Variants in CNTNAP2 observed in about 807,000 individuals in gnomAD.
The protein encoded by CNTNAP2 is contactin-associated protein-like 2.
In CNTNAP2, 98 loss-of-function variants were observed where a neutral mutation model predicts 155.2. The ratio of observed to expected loss-of-function variants is 0.63; its 90% CI spans 0.54 to 0.75. The LOEUF is 0.75. Among genes scored for constraint, CNTNAP2 ranks in the 30% least tolerant of loss-of-function variants. The pLI, the probability that CNTNAP2 is intolerant of heterozygous loss-of-function variation, is 0.00. For missense variants in CNTNAP2, 1,727 were observed against 1,688.1 expected (o/e 1.02, Z -0.40); for synonymous variants, 651 against 631.2 (o/e 1.03, Z -0.47).
chr7:147,726,111 G>A (rs982702411), intron 13 of CNTNAP2, among the ~76,000 whole-genome samples: 11 of 151,894 alleles, frequency 7.2e-5, no homozygotes, highest in African/African-American at 2.7e-4. Context: ...GGAATCAGGG[G>A]GATAACGAGA....
intron 12 of CNTNAP2, chr7:147,638,669 C>T: frequency 2.8e-6 from 1 of 360,218 alleles, no homozygotes; most frequent in Non-Finnish European, 5.6e-6. Flanking sequence ...CTGATGAGAG[C>T]AAACACCATG....
chr7:147,852,444 A>G (rs748485972), intron 13 of CNTNAP2, among the ~76,000 whole-genome samples: 3 of 152,188 alleles, frequency 2.0e-5, no homozygotes, highest in Non-Finnish European at 4.4e-5. Context: ...ACCCATAGCT[A>G]CACATCTTTC....
intron 1 of CNTNAP2, among the ~76,000 whole-genome samples, chr7:146,508,926 A>G (rs1477570690): frequency 6.6e-6 from 1 of 152,154 alleles, no homozygotes; most frequent in Admixed American, 6.6e-5. Context: ...GGCCCCCTGC[A>G]GAAGGAGTAC....
chr7:146,987,438 T>A (rs763448012), intron 3 of CNTNAP2, among the ~76,000 whole-genome samples: 2 of 152,122 alleles, frequency 1.3e-5, no homozygotes, highest in Non-Finnish European at 2.9e-5. Flanking sequence ...AATATTGAAC[T>A]CTAAGTATGT....
intron 1 of CNTNAP2, among the ~76,000 whole-genome samples, chr7:146,227,271 C>T (rs1309994755): frequency 6.6e-6 from 1 of 151,514 alleles, no homozygotes; most frequent in Non-Finnish European, 1.5e-5. Flanking sequence ...ACTAAAAATA[C>T]AAAATTATCT....
intron 1 of CNTNAP2, among the ~76,000 whole-genome samples, chr7:146,498,965 A>G (rs1797259836): frequency 6.6e-6 from 1 of 152,210 alleles, no homozygotes; most frequent in South Asian, 2.1e-4. Context: ...TTAAAAGTAC[A>G]CATAGCATTG....
At chr7:146,754,877 T>A (rs1801967831) in intron 1 of CNTNAP2, among the ~76,000 whole-genome samples, 1 of 151,968 alleles carries the variant, frequency 6.6e-6, no homozygotes, top group South Asian at 2.1e-4. Flanking sequence ...TAGCATTTAG[T>A]CTAATCATCT....
chr7:146,596,639 G>T (rs1419081007), intron 1 of CNTNAP2, among the ~76,000 whole-genome samples: 2 of 135,458 alleles, frequency 1.5e-5, no homozygotes, highest in Non-Finnish European at 3.2e-5. Context: ...GAGAGAGAGA[G>T]AAATTGTTGA....
intron 15 of CNTNAP2, among the ~76,000 whole-genome samples, chr7:148,081,308 T>A (rs1481121590): frequency 1.3e-5 from 2 of 152,122 alleles, no homozygotes; most frequent in Non-Finnish European, 2.9e-5. Flanking sequence ...GATTGAAGGA[T>A]GCAAAGTATT....
chr7:146,551,761 G>T (rs559516528), intron 1 of CNTNAP2, among the ~76,000 whole-genome samples: 37 of 152,188 alleles, frequency 2.4e-4, no homozygotes, highest in Middle Eastern at 3.4e-3. Flanking sequence ...TCCTGAGCAA[G>T]CTTTTGTGGT....
intron 13 of CNTNAP2, among the ~76,000 whole-genome samples, chr7:147,771,752 T>C (rs1224860657): frequency 6.6e-6 from 1 of 151,190 alleles, no homozygotes; most frequent in Non-Finnish European, 1.5e-5. Context: ...GTCTTAACCC[T>C]TTTTTTTTCT....
chr7:146,967,363 G>A (rs950668319), intron 3 of CNTNAP2, among the ~76,000 whole-genome samples: 4 of 152,146 alleles, frequency 2.6e-5, no homozygotes, highest in Non-Finnish European at 4.4e-5. Flanking sequence ...TTGGTAGCTT[G>A]ATGGGGATGG....
chr7:148,073,316 A>G (rs1803416962), intron 15 of CNTNAP2, among the ~76,000 whole-genome samples: 1 of 152,144 alleles, frequency 6.6e-6, no homozygotes, highest in African/African-American at 2.4e-5. Context: ...CCCCTTACCT[A>G]CAGTTTCATT....
chr7:147,995,440 T>A (rs1801785895), intron 15 of CNTNAP2, among the ~76,000 whole-genome samples: 1 of 151,904 alleles, frequency 6.6e-6, no homozygotes, highest in Admixed American at 6.6e-5. Flanking sequence ...AACATCCAGA[T>A]CTTCAACCTC....
chr7:147,621,573 A>T (rs928034463), intron 12 of CNTNAP2, among the ~76,000 whole-genome samples: 6 of 146,048 alleles, frequency 4.1e-5, no homozygotes, highest in Non-Finnish European at 8.8e-5. Flanking sequence ...TTATCAGCTT[A>T]AAAAAATGTG....
intron 1 of CNTNAP2, among the ~76,000 whole-genome samples, chr7:146,565,957 CACTT>C (rs1240403472): frequency 6.6e-6 from 1 of 152,254 alleles, no homozygotes; most frequent in African/African-American, 2.4e-5. Flanking sequence ...CTCATCAAAA[CACTT>C]ACTTTTCACT....
intron 1 of CNTNAP2, among the ~76,000 whole-genome samples, chr7:146,577,212 A>G (rs962352835): frequency 6.6e-6 from 1 of 152,148 alleles, no homozygotes; most frequent in African/African-American, 2.4e-5. Context: ...GATAAAAACA[A>G]AAATATTGTT....
chr7:146,823,919 A>G (rs922271405), intron 2 of CNTNAP2, among the ~76,000 whole-genome samples: 4 of 152,014 alleles, frequency 2.6e-5, no homozygotes, highest in Non-Finnish European at 5.9e-5. Context: ...TGTGCAGAAC[A>G]TGCAGGTTTA....
intron 15 of CNTNAP2, among the ~76,000 whole-genome samples, chr7:148,106,667 T>G (rs924717806): frequency 1.3e-5 from 2 of 152,000 alleles, no homozygotes; most frequent in African/African-American, 2.4e-5. Context: ...AGCCTGATAG[T>G]CTACTCCTTA....
Sources: gnomAD v4.1 joint callset for allele counts (sites outside exome capture counted in the v4.1 genomes callset) on GRCh38, gnomAD v4.1.1 for gene constraint, MANE v1.5 for transcripts, NCBI Gene and HGNC (gene_info 2026-07-23, HGNC 2026-07-21) for gene names.